The following DPY19L3 variants were observed in gnomAD, a reference collection of about 807,000 sequenced individuals.
DPY19L3 encodes protein C-mannosyl-transferase DPY19L3.
A neutral mutation model predicts 92.3 loss-of-function variants in DPY19L3; 51 were observed. The ratio of observed to expected loss-of-function variants is 0.55; its 90% CI spans 0.44 to 0.70. The LOEUF is 0.70. Ranked by LOEUF, DPY19L3 falls within the 30% of genes least tolerant of loss-of-function variation. DPY19L3 has a pLI of 0.00. For missense variants in DPY19L3, 706 were observed against 855.9 expected, an observed-to-expected ratio of 0.82 and a Z score of 2.18; for synonymous variants, 309 against 315.2, an observed-to-expected ratio of 0.98 and a Z score of 0.21.
chr19:32,482,314 C>A lies in DPY19L3; in HGVS notation c.*74C>A. On this transcript the variant is annotated 3_prime_UTR_variant, in exon 19 of 19. Transcript: ENST00000392250. Reference sequence around the variant, plus strand: ...TGATGAAACTCAATAGATGACGTTTCCTATGTAAGTAGGTAGCCCAAACCT... The same window carrying A: ...TGATGAAACTCAATAGATGACGTTTACTATGTAAGTAGGTAGCCCAAACCT... 1 of 1,538,578 alleles carries A rather than the reference C, an allele frequency of 6.5e-7. No homozygotes were observed.
intron 8 of DPY19L3, among the ~76,000 whole-genome samples, chr19:32,449,828 A>G (rs531395337): frequency 1.8e-3 from 271 of 152,344 alleles, no homozygotes; most frequent in Middle Eastern, 6.8e-3. Flanking sequence ...AAAACATAGT[A>G]ATAACTCTTC....
At position 32,482,175 on chromosome 19, in the gene DPY19L3, G is replaced by C; in HGVS notation, c.2086G>C (p.Ala696Pro). 6.2e-7 allele frequency: 1 copy of C among 1,613,814 alleles called. No individual in the cohort carries two copies. Among genetic ancestry groups the C allele is most frequent in the Non-Finnish European group, 8.5e-7 (1 of 1,179,836 alleles). Reference protein sequence around the residue: ...EIKRNLPPYVAYFTRVFQNKT... With the variant: ...EIKRNLPPYVPYFTRVFQNKT... ...CAAAAGAAACCTGCCTCCCTACGTG[G>C]CCTACTTCACCAGAGTGTTCCAGAA... Residue 696 changes from alanine (A) to proline (P), a missense_variant, in exon 19 of 19, where the codon GCC becomes CCC. By Grantham distance (27) the Ala-to-Pro change is conservative. Transcript: ENST00000392250.
At position 32,408,091 on chromosome 19, in the gene DPY19L3, G is replaced by GAAAAAAAA; in HGVS notation, c.-37-124_-37-117dup. On this transcript the variant is annotated intron_variant, in intron 1 of 18. Coordinates refer to ENST00000392250, the MANE Select transcript of DPY19L3 (RefSeq NM_001172774.2). ...CAGTGAGACCCTGTCTTGGGGGGAA[G>GAAAAAAAA]AAAAAAAAAGGGAGGGCATGCTAAT... 4 of 586,710 alleles carry GAAAAAAAA rather than the reference G, an allele frequency of 6.8e-6. No homozygotes were observed. The South Asian group carries it at 8.7e-5, about 13-fold the overall frequency. 36.3% of individuals were successfully genotyped at this position (586,710 alleles called of 1,614,324 possible).
At chr19:32,432,636 T>A (rs1002378901) in intron 3 of DPY19L3, 80 bp from the exon 4 acceptor site, 144 of 1,209,964 alleles carry the variant, frequency 1.2e-4, no homozygotes, top group Middle Eastern at 1.2e-3. Flanking sequence ...AAGTTGCAGT[T>A]ATGTATCCTT....
chr19:32,450,349 G>A (rs1969659594), intron 8 of DPY19L3, among the ~76,000 whole-genome samples: 1 of 152,066 alleles, frequency 6.6e-6, no homozygotes, highest in South Asian at 2.1e-4. Context: ...TTTTAATATA[G>A]AGTTACCATA....
In DPY19L3 at chr19:32,482,545, G is replaced by A; in HGVS notation, c.*305G>A. ...GTGTGTTCCATGGATACCTGGATAG[G>A]CACATAACATGTTGGAAGATGAGCA... On this transcript the variant is annotated 3_prime_UTR_variant, in exon 19 of 19. Coordinates refer to ENST00000392250, the MANE Select transcript of DPY19L3 (RefSeq NM_001172774.2). 4.2e-6 allele frequency: 1 copy of A among 235,840 alleles called. No homozygotes were observed. The highest frequency in any genetic ancestry group is 8.2e-6 in the Non-Finnish European group (1 of 122,548). The allele number at this position is 235,840 out of a possible 1,614,324, so 14.6% of individuals were successfully genotyped here. A position where few individuals can be genotyped will look rare whatever the true frequency, so the allele number is the denominator to read the frequency against.
At chr19:32,416,099 A>G (rs1968368737) in intron 3 of DPY19L3, among the ~76,000 whole-genome samples, 1 of 152,194 alleles carries the variant, frequency 6.6e-6, no homozygotes, top group Non-Finnish European at 1.5e-5. Context: ...TTTATGAGTG[A>G]TGAGGAGAAG....
intron 8 of DPY19L3, among the ~76,000 whole-genome samples, chr19:32,446,972 G>A (rs970773240): frequency 3.3e-5 from 5 of 152,016 alleles, no homozygotes; most frequent in East Asian, 1.9e-4. Flanking sequence ...ATAAAACAAC[G>A]ACAAACATAA....
In DPY19L3 at chr19:32,477,508, C is replaced by G; in HGVS notation, c.1698-14C>G. 6.2e-7 allele frequency: 1 copy of G among 1,614,054 alleles called. No homozygotes were observed. The highest frequency in any genetic ancestry group is 1.1e-5 in the South Asian group (1 of 91,082). On this transcript the variant is annotated splice_polypyrimidine_tract_variant and intron_variant, in intron 16 of 18. Transcript: ENST00000392250. ...CTTAACAGTGGGGTTAATTCAGACTCTAAAATCTTTCAGCTCTAACACTCC... is the reference window on the plus strand; with the variant it reads ...CTTAACAGTGGGGTTAATTCAGACTGTAAAATCTTTCAGCTCTAACACTCC...
At position 32,477,609 on chromosome 19, in the gene DPY19L3, C is replaced by G; in HGVS notation, c.1785C>G (p.Asn595Lys). The change falls in exon 17 of 19, where the codon AAC becomes AAG. Residue 595 changes from asparagine (N) to lysine (K), a missense_variant. Physicochemically the swap from Asn to Lys is moderately conservative, Grantham distance 94. Transcript: ENST00000392250. ...TGTGCACGGGAAGGACCCTAACCAA[C>G]CACCCGCACTATGAAGACAGCAGCC... Reference protein sequence around the residue: ...VKLCTGRTLTNHPHYEDSSLR... With the variant: ...VKLCTGRTLTKHPHYEDSSLR... 6.2e-7 allele frequency: 1 copy of G among 1,614,146 alleles called. No individual in the cohort carries two copies. The highest frequency in any genetic ancestry group is 8.5e-7 in the Non-Finnish European group (1 of 1,180,032).
chr19:32,439,964 A>G (rs1969271825), intron 8 of DPY19L3, 54 bp downstream of exon 8: 2 of 1,595,020 alleles, frequency 1.3e-6, no homozygotes, highest in African/African-American at 1.4e-5. Flanking sequence ...GTGTTTTTAT[A>G]TCATAGAATG....
At position 32,437,247 on chromosome 19, in the gene DPY19L3, G is replaced by A. The variant is rs1969171659; in HGVS notation, c.504G>A (p.Ala168=). The A allele has an allele frequency of 6.8e-6, 11 of 1,613,872 alleles. No homozygotes were observed. The South Asian group carries it at 7.7e-5, about 11-fold the overall frequency. The change falls in exon 6 of 19, where the codon GCG becomes GCA. Residue 168 remains alanine, a synonymous_variant. Coordinates refer to ENST00000392250, the MANE Select transcript of DPY19L3 (RefSeq NM_001172774.2). ...FYIYTLFGLQ[A]IYVTALYITS... is the part of the protein sequence containing the mutation. ...TTTACACCTTATTTGGGCTCCAGGC[G>A]ATCTATGTCACAGCTCTCTACATAA...
Position 32,463,906 on chromosome 19 carries a change from G to A in DPY19L3, c.1483G>A (p.Ala495Thr), listed in dbSNP as rs368605704. Residue 495 changes from alanine (A) to threonine (T), a missense_variant, in exon 14 of 19, where the codon GCA becomes ACA. Coordinates refer to ENST00000392250, the MANE Select transcript of DPY19L3 (RefSeq NM_001172774.2). ...CTGGACGTCACACATGTGTGTGTTC[G>A]CATCATTCGGCCTATGTAGCCCTGA... is the stretch of plus-strand genomic sequence containing the variant. ...YLWTSHMCVF[A>T]SFGLCSPEIW... is the part of the protein sequence containing the mutation. 4.5e-5 allele frequency: 73 copies of A among 1,613,272 alleles called. 1 individual carries two copies. The highest frequency in any genetic ancestry group is 5.0e-5 in the Admixed American group (3 of 59,972).
At chr19:32,467,777 C>A in intron 15 of DPY19L3, 1 of 981,676 alleles carries the variant, frequency 1.0e-6, no homozygotes, top group Non-Finnish European at 1.2e-6. Flanking sequence ...ATGATCAAGT[C>A]TTTTTAGTCA....
intron 3 of DPY19L3, among the ~76,000 whole-genome samples, chr19:32,426,991 G>A (rs1259451796): frequency 6.6e-6 from 1 of 152,008 alleles, no homozygotes; most frequent in African/African-American, 2.4e-5. Flanking sequence ...TTGGTGTTTC[G>A]TTGTTTGTTT....
At chr19:32,481,246 A>G (rs1970664532) in intron 18 of DPY19L3, 1 of 153,148 alleles carries the variant, frequency 6.5e-6, no homozygotes, top group Admixed American at 6.5e-5. Flanking sequence ...AAAGTGACAA[A>G]CCTAGCCTAA....
At chr19:32,481,334 G>A (rs1333949391) in intron 18 of DPY19L3, 1 of 152,164 alleles carries the variant, frequency 6.6e-6, no homozygotes, top group Non-Finnish European at 1.5e-5. Flanking sequence ...GTTCATAACT[G>A]TCTTGAGTTC....
Position 32,454,466 on chromosome 19 carries a change from C to G in DPY19L3, c.988-473C>G, listed in dbSNP as rs527613621. Among the ~76,000 whole-genome samples the G allele has an allele frequency of 3.7e-4, 57 of 152,032 alleles. No individual in the cohort carries two copies. The East Asian group carries it at 6.2e-3, about 17-fold the overall frequency. ...GCAGGCGCCTGTAGTCCCAGCTACT[C>G]GGGAGGCTGAGGCAGGAGAATGGCA... On this transcript the variant is annotated intron_variant, in intron 9 of 18. Transcript: ENST00000392250.
At chr19:32,439,966 CAT>C in intron 8 of DPY19L3, 56 bp downstream of exon 8, 1 of 1,588,070 alleles carries the variant, frequency 6.3e-7, no homozygotes, top group African/African-American at 1.4e-5. Context: ...GTTTTTATAT[CAT>C]AGAATGAGAT....
Sources: gnomAD v4.1 joint callset for allele counts (sites outside exome capture counted in the v4.1 genomes callset) on GRCh38, gnomAD v4.1.1 for gene constraint, MANE v1.5 for transcripts, NCBI Gene and HGNC (gene_info 2026-07-23, HGNC 2026-07-21) for gene names.